Variants in SDK1 observed in about 807,000 individuals in gnomAD.
SDK1 encodes the protein protein sidekick-1.
SDK1 carries 157 observed loss-of-function variants against 245.5 expected under a neutral mutation model. The ratio of observed to expected loss-of-function variants is 0.64; its 90% CI spans 0.56 to 0.73. The LOEUF (loss-of-function observed/expected upper bound fraction) is 0.73. Ranked by LOEUF, SDK1 falls within the 30% of genes least tolerant of loss-of-function variation. SDK1 has a pLI of 0.00. For missense variants in SDK1, 3,583 were observed against 3,002.3 expected (o/e 1.19, Z -4.52); for synonymous variants, 1,647 against 1,278.5 (o/e 1.29, Z -6.15).
chr7:4,241,645 C>A, intron 42 of SDK1, 148 bp from the exon 43 acceptor site: 1 of 880,284 alleles, frequency 1.1e-6, no homozygotes, highest in Admixed American at 2.7e-5. Flanking sequence ...CCAGCTCAGC[C>A]CTAAGCACAG....
Position 3,852,245 on chromosome 7 carries a change from C to G in SDK1, c.847+30662C>G, listed in dbSNP as rs17133934. Among the ~76,000 whole-genome samples, 1,041 of 150,860 alleles carry G rather than the reference C, an allele frequency of 6.9e-3. 14 individuals carry two copies. Among genetic ancestry groups the G allele is most frequent in the African/African-American group, 0.024 (973 of 40,964 alleles). On this transcript the variant is annotated intron_variant, in intron 5 of 44. Coordinates refer to ENST00000404826, the MANE Select transcript of SDK1 (RefSeq NM_152744.4). ...ATTTTGATTTTAAAAATAGTTCTGG[C>G]TAATATTCCGTAGAAGTATAGAAAA...
chr7:3,971,957 G>C (rs553647614), intron 12 of SDK1, among the ~76,000 whole-genome samples: 2 of 152,180 alleles, frequency 1.3e-5, no homozygotes, highest in Admixed American at 6.5e-5. Context: ...CTTTACTCTC[G>C]GGATAGTTTC....
chr7:3,471,170 A>G lies in SDK1; in HGVS notation c.299-147910A>G, dbSNP rs191758844. Among the ~76,000 whole-genome samples, 4 of 152,272 alleles carry G rather than the reference A, an allele frequency of 2.6e-5. No homozygotes were observed. In the East Asian group the frequency reaches 7.7e-4, roughly 29 times the overall value. ...TAGGAAAACTATTTGGATTTTATGT[A>G]CAAGTGCTTGCTAATTACTTGAGTC... On this transcript the variant is annotated intron_variant, in intron 1 of 44. Coordinates refer to ENST00000404826, the MANE Select transcript of SDK1 (RefSeq NM_152744.4).
intron 5 of SDK1, among the ~76,000 whole-genome samples, chr7:3,946,601 G>T (rs940612597): frequency 6.6e-6 from 1 of 152,116 alleles, no homozygotes; most frequent in African/African-American, 2.4e-5. Flanking sequence ...ACAGATGTAA[G>T]CCACTAAGCC....
intron 1 of SDK1, among the ~76,000 whole-genome samples, chr7:3,453,665 G>C (rs2128592457): frequency 6.6e-6 from 1 of 152,260 alleles, no homozygotes; most frequent in Middle Eastern, 3.4e-3. Context: ...GAGCAGCCTG[G>C]AACTTCTGGG....
intron 19 of SDK1, among the ~76,000 whole-genome samples, chr7:4,060,071 C>T (rs1229436754): frequency 4.0e-5 from 6 of 151,836 alleles, no homozygotes; most frequent in Admixed American, 3.3e-4. Flanking sequence ...TTAGTAGAGA[C>T]GGGGTTTCAC....
chr7:3,846,550 C>T (rs1780282653), intron 5 of SDK1, among the ~76,000 whole-genome samples: 1 of 152,242 alleles, frequency 6.6e-6, no homozygotes, highest in Non-Finnish European at 1.5e-5. Context: ...TGGTTCTTTG[C>T]GAAAAGGAAG....
At position 4,130,033 on chromosome 7, in the gene SDK1, G is replaced by A. The variant is rs61734776; in HGVS notation, c.4065G>A (p.Ala1355=). 99,697 of 1,613,196 alleles carry A rather than the reference G, an allele frequency of 0.062. 3,744 individuals are homozygous for A. Among genetic ancestry groups the A allele is most frequent in the African/African-American group, 0.16 (11,714 of 74,996 alleles). ...KFVLYELQVL[A]FTRIGNGVPS... is the part of the protein sequence containing the mutation. ...TGCTCTACGAGCTCCAGGTGCTGGC[G>A]TTCACCCGCATCGGGAACGGGGTCC... Residue 1355 remains alanine (A), a synonymous_variant, in exon 27 of 45, where the codon GCG becomes GCA. Transcript: ENST00000404826.
intron 5 of SDK1, among the ~76,000 whole-genome samples, chr7:3,909,595 G>A (rs1272124717): frequency 6.6e-6 from 1 of 152,230 alleles, no homozygotes; most frequent in Non-Finnish European, 1.5e-5. Context: ...CCACTACAGT[G>A]TTGAGCACTC....
intron 5 of SDK1, among the ~76,000 whole-genome samples, chr7:3,902,841 A>G (rs1781835350): frequency 6.8e-6 from 1 of 147,758 alleles, no homozygotes; most frequent in African/African-American, 2.6e-5. Flanking sequence ...TGAAATAAGA[A>G]TATAGCACAG....
At chr7:3,345,762 T>C (rs771962587) in intron 1 of SDK1, among the ~76,000 whole-genome samples, 1 of 152,164 alleles carries the variant, frequency 6.6e-6, no homozygotes, top group Non-Finnish European at 1.5e-5. Flanking sequence ...GCCTCCTCAG[T>C]AGTAAATAAT....
chr7:3,789,228 A>G (rs569284317), intron 4 of SDK1, among the ~76,000 whole-genome samples: 3 of 151,958 alleles, frequency 2.0e-5, no homozygotes, highest in Non-Finnish European at 4.4e-5. Flanking sequence ...GCTCACCGCA[A>G]CCTCCACCTC....
chr7:4,032,112 G>T (rs377052398), intron 17 of SDK1, among the ~76,000 whole-genome samples: 6 of 151,524 alleles, frequency 4.0e-5, no homozygotes, highest in East Asian at 3.9e-4. Flanking sequence ...CAGGTCCAAA[G>T]AATGCAGACA....
intron 4 of SDK1, among the ~76,000 whole-genome samples, chr7:3,649,114 G>A (rs1355041306): frequency 3.3e-5 from 5 of 152,114 alleles, no homozygotes; most frequent in Non-Finnish European, 7.3e-5. Flanking sequence ...GTGCCCCTCA[G>A]TGGGTGTGTT....
intron 1 of SDK1, among the ~76,000 whole-genome samples, chr7:3,446,705 A>G (rs1253638522): frequency 6.6e-6 from 1 of 152,200 alleles, no homozygotes; most frequent in Non-Finnish European, 1.5e-5. Flanking sequence ...CAAAATTATT[A>G]TTCTATTTGA....
intron 4 of SDK1, among the ~76,000 whole-genome samples, chr7:3,662,729 C>T (rs1562639783): frequency 6.6e-6 from 1 of 152,166 alleles, no homozygotes; most frequent in Non-Finnish European, 1.5e-5. Context: ...AAATTATATA[C>T]AGGTTGAGCA....
chr7:3,462,934 T>C (rs1422240388), intron 1 of SDK1, among the ~76,000 whole-genome samples: 1 of 152,210 alleles, frequency 6.6e-6, no homozygotes, highest in Non-Finnish European at 1.5e-5. Flanking sequence ...GCTGTAAGGA[T>C]AAAGACCACA....
chr7:3,821,416 A>G (rs1362398381), intron 4 of SDK1, 34 bp from the exon 5 acceptor site: 1 of 1,594,266 alleles, frequency 6.3e-7, no homozygotes. Flanking sequence ...TCCCTGGAGT[A>G]GCTTTGACAC....
intron 4 of SDK1, among the ~76,000 whole-genome samples, chr7:3,819,597 C>T (rs1779593276): frequency 6.6e-6 from 1 of 151,966 alleles, no homozygotes; most frequent in East Asian, 1.9e-4. Context: ...TAAAATGGAA[C>T]AATTTCTATG....
Sources: allele counts gnomAD v4.1 joint callset (sites outside exome capture counted in the v4.1 genomes callset), GRCh38; gene constraint gnomAD v4.1.1; transcripts MANE v1.5; gene names NCBI Gene and HGNC (gene_info 2026-07-23, HGNC 2026-07-21).